CUBN: variants seen among roughly 807,000 people sequenced by gnomAD.
The protein encoded by CUBN is cubilin.
Under a neutral mutation model 405.3 loss-of-function variants are expected in CUBN, and 282 were observed. That is an observed-to-expected ratio of 0.70 (90% confidence interval 0.63 to 0.77). CUBN has a LOEUF of 0.77. Ranked by LOEUF, CUBN falls within the 30% of genes least tolerant of loss-of-function variation. The pLI is 0.00. For synonymous variants in CUBN, 1,684 were observed against 1,617.0 expected (o/e 1.04, Z -0.99); for missense variants, 4,514 against 4,475.2 (o/e 1.01, Z -0.25).
At chr10:16,940,758 G>A (rs1233131664) in intron 36 of CUBN, among the ~76,000 whole-genome samples, 1 of 152,136 alleles carries the variant, frequency 6.6e-6, no homozygotes, top group Non-Finnish European at 1.5e-5. Context: ...AAAACACTGA[G>A]TACCTCTAAG....
At chr10:17,077,757 C>T (rs1303734345) in intron 17 of CUBN, among the ~76,000 whole-genome samples, 1 of 151,980 alleles carries the variant, frequency 6.6e-6, no homozygotes, top group Non-Finnish European at 1.5e-5. Context: ...TGAGGCCCTG[C>T]CCCCAGTGAG....
rs1835068771 is a variant in CUBN at position 17,043,988 on chromosome 10, A to G, written c.3673-5T>C. 1 of 1,611,518 alleles carries G rather than the reference A, an allele frequency of 6.2e-7. No homozygotes were observed. The highest frequency in any genetic ancestry group is 8.5e-7 in the Non-Finnish European group (1 of 1,178,432). On this transcript the variant is annotated splice_polypyrimidine_tract_variant and splice_region_variant and intron_variant, in intron 25 of 66. Coordinates refer to ENST00000377833, the MANE Select transcript of CUBN (RefSeq NM_001081.4). ...GCTACTTGGGCCATCATATACCTTTAAGAAAATATTTTGAATGTTAGATGG... is the reference window on the plus strand; with the variant it reads ...GCTACTTGGGCCATCATATACCTTTGAGAAAATATTTTGAATGTTAGATGG...
At chr10:17,024,918 G>A (rs1055878811) in intron 27 of CUBN, among the ~76,000 whole-genome samples, 1 of 152,070 alleles carries the variant, frequency 6.6e-6, no homozygotes, top group African/African-American at 2.4e-5. Flanking sequence ...TTTCCTGGAA[G>A]GTCTTCTGGA....
chr10:17,004,073 C>T (rs1833956426), intron 28 of CUBN, among the ~76,000 whole-genome samples: 1 of 152,178 alleles, frequency 6.6e-6, no homozygotes, highest in African/African-American at 2.4e-5. Context: ...TCTTTCTTGG[C>T]TCATGCTTAT....
intron 48 of CUBN, among the ~76,000 whole-genome samples, chr10:16,912,327 C>T (rs377513236): frequency 3.9e-5 from 6 of 152,324 alleles, no homozygotes; most frequent in African/African-American, 1.4e-4. Context: ...AGTACCTCTA[C>T]TATCCATTCA....
chr10:17,110,912 G>T lies in CUBN; in HGVS notation c.1015+7C>A, dbSNP rs1836758380. Reference sequence around the variant, plus strand: ...GTCAGGAGGTTGACATTGAACCGAGGCAGCACCTGGTGGACAGGCCTGGCA... The same window carrying T: ...GTCAGGAGGTTGACATTGAACCGAGTCAGCACCTGGTGGACAGGCCTGGCA... On this transcript the variant is annotated splice_region_variant and intron_variant, in intron 9 of 66. Transcript: ENST00000377833. 1 of 1,614,194 alleles carries T rather than the reference G, an allele frequency of 6.2e-7. No individual in the cohort carries two copies. The highest frequency in any genetic ancestry group is 1.3e-5 in the African/African-American group (1 of 75,046).
intron 22 of CUBN, among the ~76,000 whole-genome samples, chr10:17,053,554 G>A (rs1436481043): frequency 6.6e-6 from 1 of 151,986 alleles, no homozygotes; most frequent in South Asian, 2.1e-4. Flanking sequence ...CATGCATGAA[G>A]TAATAGTTTC....
chr10:16,938,898 G>T, intron 38 of CUBN, 65 bp downstream of exon 38: 1 of 1,396,012 alleles, frequency 7.2e-7, no homozygotes, highest in Non-Finnish European at 1.0e-6. Context: ...ACGTTACCTT[G>T]GATTTATTTT....
At chr10:17,077,304 TA>T (rs542854812) in intron 17 of CUBN, among the ~76,000 whole-genome samples, 24 of 150,874 alleles carry the variant, frequency 1.6e-4, no homozygotes, top group South Asian at 6.3e-4. Flanking sequence ...AAACTACTCA[TA>T]AAAAAAAACG....
intron 6 of CUBN, among the ~76,000 whole-genome samples, chr10:17,120,187 A>G (rs1309565311): frequency 6.6e-6 from 1 of 152,230 alleles, no homozygotes; most frequent in Non-Finnish European, 1.5e-5. Context: ...AACCTCACAT[A>G]ATTAACAGAA....
Position 16,933,180 on chromosome 10 carries a change from G to A in CUBN, c.6031C>T (p.Gln2011Ter). The A allele has an allele frequency of 6.2e-7, 1 of 1,614,050 alleles. No individual in the cohort carries two copies. The highest frequency in any genetic ancestry group is 8.5e-7 in the Non-Finnish European group (1 of 1,179,992). Residue 2011 changes from glutamine to a stop codon, truncating the protein, a stop_gained, in exon 40 of 67, where the codon CAG (glutamine) becomes TAG (stop). Coordinates refer to ENST00000377833, the MANE Select transcript of CUBN (RefSeq NM_001081.4). LOFTEE classifies it high-confidence loss of function. ...SNRVDCTWLI[Q>*]APDSTVELNI... ...AGTTCCACGGTAGAGTCGGGAGCCT[G>A]GATGAGCCACGTACAGTCCACTCTA...
At chr10:16,920,217 C>A in intron 43 of CUBN, 80 bp from the exon 44 acceptor site, 1 of 1,394,276 alleles carries the variant, frequency 7.2e-7, no homozygotes. Flanking sequence ...CTTTTAAAGT[C>A]GACTTCTCTG....
At chr10:16,857,904 A>G (rs1009952812) in intron 59 of CUBN, among the ~76,000 whole-genome samples, 3 of 152,208 alleles carry the variant, frequency 2.0e-5, no homozygotes, top group Non-Finnish European at 4.4e-5. Flanking sequence ...TATTAGCTGC[A>G]GAAAATCCCA....
intron 36 of CUBN, among the ~76,000 whole-genome samples, chr10:16,943,126 C>A (rs1442760306): frequency 6.6e-6 from 1 of 152,314 alleles, no homozygotes; most frequent in African/African-American, 2.4e-5. Context: ...TCTCTGGTCA[C>A]TCCCTGCCTA....
At chr10:16,868,992 T>G (rs534763387) in intron 59 of CUBN, among the ~76,000 whole-genome samples, 1 of 152,254 alleles carries the variant, frequency 6.6e-6, no homozygotes, top group Non-Finnish European at 1.5e-5. Context: ...CCAAACACTG[T>G]GCTTCCAATG....
At chr10:17,011,166 C>A (rs1046161757) in intron 28 of CUBN, among the ~76,000 whole-genome samples, 1 of 152,310 alleles carries the variant, frequency 6.6e-6, no homozygotes, top group African/African-American at 2.4e-5. Flanking sequence ...TGTTCCAGGG[C>A]TAGATCACTC....
Position 16,851,285 on chromosome 10 carries a change from C to A in CUBN, c.9613G>T (p.Ala3205Ser), listed in dbSNP as rs370227709. 8.1e-6 allele frequency: 13 copies of A among 1,614,004 alleles called. No individual in the cohort carries two copies. The highest frequency in any genetic ancestry group is 1.1e-5 in the Non-Finnish European group (13 of 1,180,030). ...KVIHLTFNTFALEAASTRQRC... is the reference protein window; with the variant it reads ...KVIHLTFNTFSLEAASTRQRC... ...TGCCTAGTACTTGCTGCCTCCAGAGCAAATGTATTGAAGGTGAGGTGAATT... is the reference window on the plus strand; with the variant it reads ...TGCCTAGTACTTGCTGCCTCCAGAGAAAATGTATTGAAGGTGAGGTGAATT... Residue 3205 changes from alanine (A) to serine (S), a missense_variant, in exon 60 of 67, where the codon GCT becomes TCT. This residue lies in a region of CUBN where 1,186 missense variants were observed against 1,186.9 expected (regional missense o/e 1.00). Coordinates refer to ENST00000377833, the MANE Select transcript of CUBN (RefSeq NM_001081.4).
chr10:16,829,023 A>T lies in CUBN; in HGVS notation c.10546T>A (p.Tyr3516Asn), dbSNP rs1196694238. Residue 3516 changes from tyrosine to asparagine, a missense_variant, in exon 66 of 67, where the codon TAT (tyrosine) becomes AAT (asparagine). By Grantham distance (143) the Tyr-to-Asn change is moderately radical. Transcript: ENST00000377833. Reference sequence around the variant, plus strand: ...CTGGTGAATGAGCCTCTGTCTCCATAAAGAGTTCCACCACATCCTGCAAGG... The same window carrying T: ...CTGGTGAATGAGCCTCTGTCTCCATTAAGAGTTCCACCACATCCTGCAAGG... ...SSPSGCGGTL[Y>N]GDRGSFTSPG... 1 of 1,613,998 alleles carries T rather than the reference A, an allele frequency of 6.2e-7. No homozygotes were observed. The highest frequency in any genetic ancestry group is 1.1e-5 in the South Asian group (1 of 91,052).
intron 57 of CUBN, among the ~76,000 whole-genome samples, chr10:16,875,825 G>A (rs1218135010): frequency 3.3e-5 from 5 of 152,218 alleles, no homozygotes. Flanking sequence ...TTAAAGAGAA[G>A]AAGAATATAA....
Sources: gnomAD v4.1 joint callset for allele counts (sites outside exome capture counted in the v4.1 genomes callset) on GRCh38, gnomAD v4.1.1 for gene constraint, gnomAD v4.1.1 regional missense constraint, MANE v1.5 for transcripts, NCBI Gene and HGNC (gene_info 2026-07-23, HGNC 2026-07-21) for gene names.